PDLIM5: variants seen among roughly 807,000 people sequenced by gnomAD.
PDLIM5 encodes the protein PDZ and LIM domain 5, also known as PDZ and LIM domain protein 5.
In PDLIM5, 34 loss-of-function variants were observed where a neutral mutation model predicts 64.2. The ratio of observed to expected loss-of-function variants is 0.53; its 90% CI spans 0.40 to 0.71. The LOEUF (loss-of-function observed/expected upper bound fraction) is 0.71. PDLIM5 is among the 30% of genes least tolerant of loss of function. The probability of loss-of-function intolerance (pLI) is 0.00; values close to 1 mark genes in which losing one functional copy is unlikely to be tolerated. For synonymous variants in PDLIM5, 253 were observed against 269.1 expected, an observed-to-expected ratio of 0.94 and a Z score of 0.59; for missense variants, 683 against 733.6, an observed-to-expected ratio of 0.93 and a Z score of 0.80.
intron 8 of PDLIM5, among the ~76,000 whole-genome samples, chr4:94,630,491 C>T (rs150062858): frequency 1.4e-3 from 215 of 152,210 alleles, no homozygotes; most frequent in Middle Eastern, 6.8e-3. Flanking sequence ...TCTCCTGCCT[C>T]GGCCTAACAG....
At chr4:94,592,662 T>G (rs1228366617) in intron 7 of PDLIM5, among the ~76,000 whole-genome samples, 2 of 152,156 alleles carry the variant, frequency 1.3e-5, no homozygotes, top group Non-Finnish European at 2.9e-5. Context: ...GAGTCTCGCT[T>G]TGTCACCCAG....
intron 3 of PDLIM5, among the ~76,000 whole-genome samples, chr4:94,563,490 A>G (rs962367214): frequency 1.1e-4 from 17 of 152,166 alleles, no homozygotes; most frequent in Admixed American, 5.2e-4. Flanking sequence ...AAGAATCTTC[A>G]TTTCATGTGT....
intron 8 of PDLIM5, among the ~76,000 whole-genome samples, chr4:94,622,707 G>A (rs2110409528): frequency 6.9e-6 from 1 of 143,988 alleles, no homozygotes; most frequent in East Asian, 2.1e-4. Context: ...CCCTCACTCT[G>A]TCGCCCAGGC....
intron 2 of PDLIM5, among the ~76,000 whole-genome samples, chr4:94,467,395 A>G (rs995231053): frequency 2.0e-5 from 3 of 151,350 alleles, no homozygotes; most frequent in African/African-American, 4.9e-5. Flanking sequence ...GCTCACTGCA[A>G]CCTCCGCCTC....
chr4:94,473,681 TG>T (rs1725077324), intron 2 of PDLIM5, among the ~76,000 whole-genome samples: 1 of 152,194 alleles, frequency 6.6e-6, no homozygotes, highest in Non-Finnish European at 1.5e-5. Flanking sequence ...ACATAGTGGG[TG>T]TTTTGTTTGT....
At chr4:94,617,719 A>G (rs1738902012) in intron 7 of PDLIM5, among the ~76,000 whole-genome samples, 1 of 151,630 alleles carries the variant, frequency 6.6e-6, no homozygotes, top group Non-Finnish European at 1.5e-5. Context: ...GGAGACTTTT[A>G]TCATTTAAAA....
intron 2 of PDLIM5, among the ~76,000 whole-genome samples, chr4:94,491,246 T>A (rs1726845341): frequency 6.6e-6 from 1 of 152,208 alleles, no homozygotes. Context: ...GAGAAGAAAC[T>A]TAACCTTCTT....
At chr4:94,652,352 C>T (rs72880450) in intron 9 of PDLIM5, among the ~76,000 whole-genome samples, 7,465 of 152,184 alleles carry the variant, frequency 0.049, 664 homozygotes, top group African/African-American at 0.17. Context: ...AGCATGAAAC[C>T]CCAAAGCTCT....
chr4:94,515,354 G>A (rs990667404), intron 2 of PDLIM5, among the ~76,000 whole-genome samples: 7 of 152,142 alleles, frequency 4.6e-5, no homozygotes, highest in South Asian at 2.1e-4. Context: ...TTTAAAAAGC[G>A]AATCCCTGTT....
intron 7 of PDLIM5, among the ~76,000 whole-genome samples, chr4:94,600,446 A>T (rs1322463311): frequency 1.3e-5 from 2 of 152,192 alleles, no homozygotes; most frequent in African/African-American, 4.8e-5. Flanking sequence ...GTTCAGTGGG[A>T]CACATTCAGA....
At chr4:94,547,569 C>T (rs1732431844) in intron 3 of PDLIM5, among the ~76,000 whole-genome samples, 1 of 152,108 alleles carries the variant, frequency 6.6e-6, no homozygotes, top group Non-Finnish European at 1.5e-5. Context: ...ACCCTAAATT[C>T]CCTTCTGCAT....
intron 7 of PDLIM5, among the ~76,000 whole-genome samples, chr4:94,615,253 A>G (rs1252320184): frequency 6.6e-6 from 1 of 152,208 alleles, no homozygotes; most frequent in African/African-American, 2.4e-5. Context: ...GACAAGATGC[A>G]TAAAGAAGTG....
chr4:94,529,016 G>A (rs999246514), intron 3 of PDLIM5, among the ~76,000 whole-genome samples: 8 of 152,252 alleles, frequency 5.3e-5, no homozygotes, highest in African/African-American at 1.9e-4. Context: ...AGACTGGTTA[G>A]AAGTAAGGTC....
intron 2 of PDLIM5, among the ~76,000 whole-genome samples, chr4:94,458,932 T>G (rs886686967): frequency 1.3e-5 from 2 of 152,226 alleles, no homozygotes; most frequent in Non-Finnish European, 2.9e-5. Flanking sequence ...TGTAGCTGGA[T>G]GATCACATGT....
chr4:94,545,861 A>G (rs575648749), intron 3 of PDLIM5, among the ~76,000 whole-genome samples: 1 of 152,176 alleles, frequency 6.6e-6, no homozygotes, highest in South Asian at 2.1e-4. Flanking sequence ...TTTTTTCCCA[A>G]TATTGTTTTT....
chr4:94,616,596 G>T (rs1348471900), intron 7 of PDLIM5, among the ~76,000 whole-genome samples: 1 of 152,062 alleles, frequency 6.6e-6, no homozygotes, highest in Non-Finnish European at 1.5e-5. Context: ...TGATAATTGT[G>T]TTCAATATTC....
chr4:94,601,812 C>G (rs1338884133), intron 7 of PDLIM5, among the ~76,000 whole-genome samples: 3 of 152,156 alleles, frequency 2.0e-5, no homozygotes, highest in Admixed American at 2.0e-4. Flanking sequence ...AAATGGATAG[C>G]TTATGATTGA....
In PDLIM5 at chr4:94,635,287, A is replaced by G. The variant is rs369283899; in HGVS notation, c.1109-4989A>G. ...ATAAAAGAAGCCAATATTTAATGAA[A>G]GTTGCTCAAGCCTTGAGTCAAGAAC... On this transcript the variant is annotated intron_variant, in intron 8 of 12. Transcript: ENST00000317968. Among the ~76,000 whole-genome samples, 49 of 152,298 alleles carry G rather than the reference A, an allele frequency of 3.2e-4. 3 individuals are homozygous for G. The South Asian group carries it at 9.3e-3, about 29-fold the overall frequency.
intron 3 of PDLIM5, among the ~76,000 whole-genome samples, chr4:94,564,685 T>G (rs1734152451): frequency 8.2e-6 from 1 of 122,172 alleles, no homozygotes; most frequent in South Asian, 2.3e-4. Flanking sequence ...TGACAGAGTC[T>G]TGCTTTGTCT....
Sources: allele counts gnomAD v4.1 joint callset (sites outside exome capture counted in the v4.1 genomes callset), GRCh38; gene constraint gnomAD v4.1.1; transcripts MANE v1.5; gene names NCBI Gene and HGNC (gene_info 2026-07-23, HGNC 2026-07-21).